The following DYNC1I1 variants were observed in gnomAD, a reference collection of about 807,000 sequenced individuals.
The protein encoded by DYNC1I1 is cytoplasmic dynein 1 intermediate chain 1.
DYNC1I1 carries 43 observed loss-of-function variants against 86.6 expected under a neutral mutation model. The observed-to-expected ratio is 0.50, with a 90% CI of 0.39 to 0.64. The LOEUF is 0.64. Among genes scored for constraint, DYNC1I1 ranks in the 30% least tolerant of loss-of-function variants. The pLI is 0.00. For synonymous variants in DYNC1I1, 262 were observed against 283.7 expected, an observed-to-expected ratio of 0.92 and a Z score of 0.77; for missense variants, 604 against 788.8, an observed-to-expected ratio of 0.77 and a Z score of 2.81.
downstream of DYNC1I1, among the ~76,000 whole-genome samples, chr7:96,100,493 T>G (rs533876013): frequency 1.3e-5 from 2 of 152,232 alleles, no homozygotes; most frequent in East Asian, 1.9e-4. Context: ...GTCCTAGGCC[T>G]TATAAAAGAA....
At chr7:95,988,606 C>T (rs1471966864) in intron 9 of DYNC1I1, among the ~76,000 whole-genome samples, 2 of 152,160 alleles carry the variant, frequency 1.3e-5, no homozygotes, top group Non-Finnish European at 2.9e-5. Flanking sequence ...GCATCTGATG[C>T]CTGAGCCCAC....
intron 11 of DYNC1I1, among the ~76,000 whole-genome samples, chr7:96,029,193 G>T (rs1280696470): frequency 1.3e-5 from 2 of 152,152 alleles, no homozygotes; most frequent in Admixed American, 6.5e-5. Context: ...TCCTACTCTT[G>T]TAAGATTATC....
chr7:96,102,868 GA>G (rs1478543299), downstream of DYNC1I1, among the ~76,000 whole-genome samples: 1 of 152,184 alleles, frequency 6.6e-6, no homozygotes, highest in Non-Finnish European at 1.5e-5. Flanking sequence ...GATCCTGGTA[GA>G]AATGAAGTTC....
chr7:96,062,106 C>T (rs748578539), intron 14 of DYNC1I1, among the ~76,000 whole-genome samples: 11 of 152,170 alleles, frequency 7.2e-5, no homozygotes, highest in Admixed American at 1.3e-4. Flanking sequence ...TTTTGCCCTT[C>T]GCCTCTGGAG....
intron 5 of DYNC1I1, among the ~76,000 whole-genome samples, chr7:95,863,829 T>G (rs1257457129): frequency 6.6e-6 from 1 of 151,964 alleles, no homozygotes; most frequent in African/African-American, 2.4e-5. Flanking sequence ...TCAGAACATG[T>G]GGAGAAAGCC....
intron 6 of DYNC1I1, among the ~76,000 whole-genome samples, chr7:95,957,373 A>G (rs1210681407): frequency 2.0e-5 from 3 of 152,112 alleles, no homozygotes; most frequent in African/African-American, 4.8e-5. Context: ...ATTTATTTGT[A>G]TCACAAAACT....
At chr7:95,943,911 CA>C (rs1405011144) in intron 6 of DYNC1I1, among the ~76,000 whole-genome samples, 2 of 151,774 alleles carry the variant, frequency 1.3e-5, no homozygotes, top group Non-Finnish European at 2.9e-5. Context: ...GACCTAAAAC[CA>C]TAAAAACCCT....
chr7:95,808,631 G>C (rs1165328694), intron 2 of DYNC1I1, among the ~76,000 whole-genome samples: 2 of 152,124 alleles, frequency 1.3e-5, no homozygotes, highest in African/African-American at 2.4e-5. Flanking sequence ...AGGTAGAATG[G>C]CCAGGGGTTT....
intron 5 of DYNC1I1, 159 bp downstream of exon 5, chr7:95,828,275 A>G: frequency 1.3e-6 from 1 of 757,840 alleles, no homozygotes; most frequent in Non-Finnish European, 2.2e-6. Flanking sequence ...AGCTTTGAAG[A>G]AAGTCTCTCT....
chr7:96,099,071 G>A (rs531362588), downstream of DYNC1I1, among the ~76,000 whole-genome samples: 2 of 152,204 alleles, frequency 1.3e-5, no homozygotes, highest in Admixed American at 1.3e-4. Context: ...ATCTGGAATA[G>A]GTTTAAAAGC....
chr7:96,099,734 C>T (rs1791098731), downstream of DYNC1I1, among the ~76,000 whole-genome samples: 1 of 152,104 alleles, frequency 6.6e-6, no homozygotes, highest in Non-Finnish European at 1.5e-5. Flanking sequence ...TCCCAAAGGC[C>T]CACCTCCAAA....
chr7:95,945,624 G>C (rs1158258735), intron 6 of DYNC1I1, among the ~76,000 whole-genome samples: 3 of 152,116 alleles, frequency 2.0e-5, no homozygotes, highest in African/African-American at 7.2e-5. Context: ...GAAACACTCA[G>C]TTCACAGCAT....
intron 14 of DYNC1I1, among the ~76,000 whole-genome samples, chr7:96,048,233 T>G (rs1342231602): frequency 6.6e-6 from 1 of 152,064 alleles, no homozygotes; most frequent in East Asian, 1.9e-4. Context: ...AATTTAAATT[T>G]TATGAGGTGA....
At chr7:95,894,047 A>T (rs962946237) in intron 6 of DYNC1I1, among the ~76,000 whole-genome samples, 6 of 152,122 alleles carry the variant, frequency 3.9e-5, no homozygotes, top group African/African-American at 1.4e-4. Flanking sequence ...GAAATTTGAT[A>T]ACTATTTAAC....
Position 95,848,788 on chromosome 7 carries a change from T to G in DYNC1I1, c.374+20672T>G, listed in dbSNP as rs532164068. 1.6e-4 allele frequency among the ~76,000 whole-genome samples: 24 copies of G among 152,254 alleles called. No homozygotes were observed. In the East Asian group the frequency reaches 4.2e-3, roughly 27 times the overall value. On this transcript the variant is annotated intron_variant, in intron 5 of 16. Coordinates refer to ENST00000447467, the MANE Select transcript of DYNC1I1 (RefSeq NM_001135556.2). ...CATACAGAAGTTCTATTTTTAATTT[T>G]TGAGTAACATTTATACTGTTTGCCA...
chr7:95,893,505 C>T (rs1025596651), intron 6 of DYNC1I1, among the ~76,000 whole-genome samples: 1 of 152,188 alleles, frequency 6.6e-6, no homozygotes, highest in African/African-American at 2.4e-5. Flanking sequence ...TTAAACACCA[C>T]TCCCAATAAC....
At chr7:96,101,737 C>G (rs1791140066), downstream of DYNC1I1, among the ~76,000 whole-genome samples, 1 of 152,124 alleles carries the variant, frequency 6.6e-6, no homozygotes, top group Non-Finnish European at 1.5e-5. Context: ...AATTGATATA[C>G]TTACATCAGG....
In DYNC1I1 at chr7:95,900,250, T is replaced by G. The variant is rs566506480; in HGVS notation, c.490+30252T>G. On this transcript the variant is annotated intron_variant, in intron 6 of 16. Coordinates refer to ENST00000447467, the MANE Select transcript of DYNC1I1 (RefSeq NM_001135556.2). ...CTTCAAATTTCCCTTCCCCTTTAAT[T>G]CTTACTTCCTTCTTGTGACATTCTG... 3.0e-4 allele frequency among the ~76,000 whole-genome samples: 46 copies of G among 152,206 alleles called. No individual in the cohort carries two copies. In the South Asian group the frequency reaches 9.5e-3, roughly 32 times the overall value.
chr7:96,101,323 A>G (rs532990629), downstream of DYNC1I1, among the ~76,000 whole-genome samples: 4 of 152,306 alleles, frequency 2.6e-5, no homozygotes, highest in African/African-American at 9.6e-5. Flanking sequence ...TGTTACCTCA[A>G]TAAAAAGCCA....
Sources: gnomAD v4.1 joint callset for allele counts (sites outside exome capture counted in the v4.1 genomes callset) on GRCh38, gnomAD v4.1.1 for gene constraint, MANE v1.5 for transcripts, NCBI Gene and HGNC (gene_info 2026-07-23, HGNC 2026-07-21) for gene names.